RAB6B: variants seen among roughly 807,000 people sequenced by gnomAD.
The protein encoded by RAB6B is ras-related protein Rab-6B.
Under a neutral mutation model 31.2 loss-of-function variants are expected in RAB6B, and 7 were observed. The ratio of observed to expected loss-of-function variants is 0.22; its 90% confidence interval spans 0.13 to 0.42. The LOEUF (loss-of-function observed/expected upper bound fraction) is 0.42. RAB6B is among the 10% of genes least tolerant of loss of function. The probability of loss-of-function intolerance (pLI) is 1.00; values close to 1 mark genes in which losing one functional copy is unlikely to be tolerated. For synonymous variants in RAB6B, 105 were observed against 104.9 expected, an observed-to-expected ratio of 1.00 and a Z score of -0.01; for missense variants, 149 against 280.6, an observed-to-expected ratio of 0.53 and a Z score of 3.35.
At chr3:133,863,925 GA>G (rs1291346200) in intron 2 of RAB6B, among the ~76,000 whole-genome samples, 3 of 152,182 alleles carry the variant, frequency 2.0e-5, no homozygotes, top group Non-Finnish European at 4.4e-5. Context: ...GTGGTGCCAG[GA>G]AAGTGACATG....
Position 133,887,041 on chromosome 3 carries a change from TGGGGCC to T in RAB6B, c.70+8350_70+8355del, listed in dbSNP as rs201345104. Among the ~76,000 whole-genome samples the T allele has an allele frequency of 8.6e-3, 890 of 102,892 alleles. 19 individuals are homozygous for T. The highest frequency in any genetic ancestry group is 0.059 in the Admixed American group (587 of 9,908). 67.5% of individuals were successfully genotyped at this position (102,892 alleles called of 152,430 possible). On this transcript the variant is annotated intron_variant, in intron 1 of 7. Transcript: ENST00000285208. ...ATGGGGTGGGGGTGGGAGCTGGGGC[TGGGGCC>T]GGGTCTCTAAGCCCTCCTAGGTCTG...
intron 2 of RAB6B, among the ~76,000 whole-genome samples, chr3:133,860,058 G>C (rs1250618663): frequency 6.6e-6 from 1 of 152,186 alleles, no homozygotes; most frequent in East Asian, 1.9e-4. Flanking sequence ...GCTATGCTGG[G>C]GGGTGCGGAG....
intron 7 of RAB6B, 61 bp from the exon 8 acceptor site, chr3:133,828,913 C>A (rs1935615762): frequency 2.8e-6 from 4 of 1,434,010 alleles, no homozygotes; most frequent in Non-Finnish European, 3.8e-6. Context: ...CCACTTAGCC[C>A]TGTGCACTGT....
Position 133,877,427 on chromosome 3 carries a change from T to C in RAB6B, c.71-12785A>G, listed in dbSNP as rs1293220640. On this transcript the variant is annotated intron_variant, in intron 1 of 7. Coordinates refer to ENST00000285208, the MANE Select transcript of RAB6B (RefSeq NM_016577.4). The stretch of plus-strand genomic sequence containing the variant: ...CTTGCCCAGCAGCCAGAGTGGAAAG[T>C]CTCATCATTTACGGGATGCTGGGGA... Among the ~76,000 whole-genome samples, 3 of 152,150 alleles carry C rather than the reference T, an allele frequency of 2.0e-5. No individual in the cohort carries two copies. The East Asian group carries it at 5.8e-4, about 29-fold the overall frequency.
At chr3:133,845,003 G>A (rs1307855172) in intron 2 of RAB6B, among the ~76,000 whole-genome samples, 1 of 151,300 alleles carries the variant, frequency 6.6e-6, no homozygotes, top group Non-Finnish European at 1.5e-5. Flanking sequence ...AGAAAACTAG[G>A]CAGATTCTAC....
chr3:133,845,750 C>A (rs1175121348), intron 2 of RAB6B, among the ~76,000 whole-genome samples: 1 of 151,596 alleles, frequency 6.6e-6, no homozygotes, highest in Non-Finnish European at 1.5e-5. Context: ...TAAAAAAGGA[C>A]TAGAAATGTG....
At chr3:133,856,756 G>A (rs916136907) in intron 2 of RAB6B, among the ~76,000 whole-genome samples, 6 of 151,966 alleles carry the variant, frequency 3.9e-5, no homozygotes, top group Non-Finnish European at 7.4e-5. Context: ...AAAGTCCAAC[G>A]CCTGGAGTAT....
At chr3:133,885,681 G>A in intron 1 of RAB6B, 1 of 699,930 alleles carries the variant, frequency 1.4e-6, no homozygotes, top group Non-Finnish European at 2.6e-6. Context: ...GAGATAGGAT[G>A]GACAGGGGAG....
chr3:133,849,970 A>G (rs1935955366), intron 2 of RAB6B, among the ~76,000 whole-genome samples: 1 of 152,188 alleles, frequency 6.6e-6, no homozygotes, highest in African/African-American at 2.4e-5. Flanking sequence ...TTACTGGTTG[A>G]GAAATTAGAG....
intron 6 of RAB6B, 77 bp from the exon 7 acceptor site, chr3:133,834,718 C>T: frequency 6.8e-6 from 9 of 1,314,932 alleles, no homozygotes; most frequent in Non-Finnish European, 9.9e-6. Context: ...TGCACCCTCA[C>T]CCCTCTTCCC....
chr3:133,842,360 G>A (rs1272010711), intron 2 of RAB6B, among the ~76,000 whole-genome samples: 1 of 152,250 alleles, frequency 6.6e-6, no homozygotes, highest in Non-Finnish European at 1.5e-5. Flanking sequence ...CCACTCACTT[G>A]CTGTGTGGCC....
Position 133,834,641 on chromosome 3 carries a change from G to C in RAB6B, c.496C>G (p.Leu166Val). The part of the protein sequence containing the change: ...SAKTGYNVKQ[L>V]FRRVASALPG... ...AGAGCCGACGCCACACGTCGAAAAA[G>C]CTGGAAAGATGAAGAAATGCAGTGT... Residue 166 changes from leucine (L) to valine (V), a missense_variant and splice_region_variant, in exon 7 of 8, where the codon CTT becomes GTT. By Grantham distance (32) the Leu-to-Val change is conservative. Around this residue, in one of 2 missense-constraint regions of RAB6B, gnomAD observed 74 missense variants for 100.5 expected, o/e 0.74. Transcript: ENST00000285208. 6.2e-7 allele frequency: 1 copy of C among 1,614,010 alleles called. No homozygotes were observed. The highest frequency in any genetic ancestry group is 8.5e-7 in the Non-Finnish European group (1 of 1,179,892).
chr3:133,855,842 G>T (rs1936067706), intron 2 of RAB6B, among the ~76,000 whole-genome samples: 1 of 152,314 alleles, frequency 6.6e-6, no homozygotes, highest in South Asian at 2.1e-4. Context: ...TCCCTTGCTT[G>T]ACTACTTTAG....
Position 133,825,857 on chromosome 3 carries a change from C to G in RAB6B, c.*2931G>C, listed in dbSNP as rs954977768. 1 of 152,178 alleles carries G rather than the reference C, an allele frequency of 6.6e-6. No individual in the cohort carries two copies. Among genetic ancestry groups the G allele is most frequent in the Non-Finnish European group, 1.5e-5 (1 of 68,036 alleles). The allele number at this position is 152,178 out of a possible 1,614,324, so 9.4% of individuals were successfully genotyped here. On this transcript the variant is annotated 3_prime_UTR_variant, in exon 8 of 8. Coordinates refer to ENST00000285208, the MANE Select transcript of RAB6B (RefSeq NM_016577.4). The stretch of plus-strand genomic sequence containing the variant: ...TGAATTGCTCAATTGAGAACATTTC[C>G]TCAAAGGAATCCTCCAATTTGCCCT...
At chr3:133,870,687 T>C (rs113235087) in intron 1 of RAB6B, among the ~76,000 whole-genome samples, 5,650 of 152,296 alleles carry the variant, frequency 0.037, 154 homozygotes, top group Non-Finnish European at 0.055. Flanking sequence ...AAAGCCTTCT[T>C]CATAATTGTC....
At position 133,825,142 on chromosome 3, in the gene RAB6B, C is replaced by T. The variant is rs1247412651; in HGVS notation, c.*3646G>A. 6.6e-6 allele frequency: 1 copy of T among 152,212 alleles called. No homozygotes were observed. Among genetic ancestry groups the T allele is most frequent in the Non-Finnish European group, 1.5e-5 (1 of 68,054 alleles). The allele number at this position is 152,212 out of a possible 1,614,324, so 9.4% of individuals were successfully genotyped here. A position where few individuals can be genotyped will look rare whatever the true frequency, so the allele number is the denominator to read the frequency against. ...CTGCCCCTCAAGTGGCTCAGACATG[C>T]CTCACTGTCCTCGGCTACCTGGTCC... On this transcript the variant is annotated 3_prime_UTR_variant, in exon 8 of 8. Coordinates refer to ENST00000285208, the MANE Select transcript of RAB6B (RefSeq NM_016577.4).
intron 5 of RAB6B, among the ~76,000 whole-genome samples, chr3:133,838,581 G>C (rs1377606999): frequency 1.3e-5 from 2 of 152,202 alleles, no homozygotes; most frequent in African/African-American, 2.4e-5. Flanking sequence ...TGCTTATGAA[G>C]AGATTCAAGC....
rs1399124701 is a variant in RAB6B, at chr3:133,824,396, G to C, written c.*4392C>G. 6.6e-6 allele frequency: 1 copy of C among 152,220 alleles called. No homozygotes were observed. Among genetic ancestry groups the C allele is most frequent in the Non-Finnish European group, 1.5e-5 (1 of 68,076 alleles). The allele number at this position is 152,220 out of a possible 1,614,324, so 9.4% of individuals were successfully genotyped here. ...GCTCCTCACAGCCAATCACTTTAAA[G>C]GGATGGGTGAGGGGAAAGTGAGGGG... is the stretch of plus-strand genomic sequence containing the variant. On this transcript the variant is annotated 3_prime_UTR_variant, in exon 8 of 8. Coordinates refer to ENST00000285208, the MANE Select transcript of RAB6B (RefSeq NM_016577.4).
chr3:133,864,133 T>C (rs113196189), intron 2 of RAB6B, among the ~76,000 whole-genome samples: 12 of 123,804 alleles, frequency 9.7e-5, no homozygotes, highest in Non-Finnish European at 1.3e-4. Context: ...TGTGTGTGTG[T>C]GCGCGCGTGT....
Sources: allele counts gnomAD v4.1 joint callset (sites outside exome capture counted in the v4.1 genomes callset), GRCh38; gene constraint gnomAD v4.1.1; regional missense constraint gnomAD v4.1.1; transcripts MANE v1.5; gene names NCBI Gene and HGNC (gene_info 2026-07-23, HGNC 2026-07-21).